CHD9NB: variants seen among roughly 807,000 people sequenced by gnomAD.
The protein encoded by CHD9NB is CHD9 neighbor.
chr16:53,048,038 G>A, the CHD9NB span, among the ~76,000 whole-genome samples: 1 of 140,246 alleles, frequency 7.1e-6, no homozygotes, highest in Non-Finnish European at 1.6e-5. Context: ...GGAAGGAAAG[G>A]GAAGGGAGGG....
chr16:53,043,730 GAAGTTGCAGGA>G, the CHD9NB span: 1 of 288,446 alleles, frequency 3.5e-6, no homozygotes, highest in Non-Finnish European at 6.4e-6. Context: ...TCTGCATCCA[GAAGTTGCAGGA>G]AAGTTCCACA....
chr16:53,042,611 A>G, the CHD9NB span: 1 of 150,156 alleles, frequency 6.7e-6, no homozygotes, highest in Non-Finnish European at 1.5e-5. Flanking sequence ...CCACCAGAGT[A>G]AAAATAAAAA....
At chr16:53,045,374 G>A in the CHD9NB span, among the ~76,000 whole-genome samples, 1 of 152,154 alleles carries the variant, frequency 6.6e-6, no homozygotes, top group Non-Finnish European at 1.5e-5. Flanking sequence ...TGGGACACAT[G>A]GGTAAAGGTT....
the CHD9NB span, among the ~76,000 whole-genome samples, chr16:53,042,045 C>A: frequency 6.6e-6 from 1 of 152,170 alleles, no homozygotes; most frequent in Non-Finnish European, 1.5e-5. Flanking sequence ...GTGCCTCCTT[C>A]CTTATTTTTT....
At chr16:53,037,154 T>C in the CHD9NB span, among the ~76,000 whole-genome samples, 1 of 152,214 alleles carries the variant, frequency 6.6e-6, no homozygotes, top group African/African-American at 2.4e-5. Context: ...CAGGATGGTC[T>C]TGATCTCCTG....
At chr16:53,048,177 GCAAGT>G in the CHD9NB span, among the ~76,000 whole-genome samples, 280 of 152,278 alleles carry the variant, frequency 1.8e-3, 2 homozygotes, top group South Asian at 4.1e-3. Context: ...GCTGAGGCAG[GCAAGT>G]CACTTGAACC....
At chr16:53,051,631 A>AG in the CHD9NB span, among the ~76,000 whole-genome samples, 1 of 77,226 alleles carries the variant, frequency 1.3e-5, no homozygotes, top group African/African-American at 5.4e-5. Flanking sequence ...GGGTAGGGGG[A>AG]GGGGGGAGGG....
the CHD9NB span, among the ~76,000 whole-genome samples, chr16:53,044,506 A>G: frequency 3.9e-5 from 6 of 152,188 alleles, no homozygotes; most frequent in Non-Finnish European, 7.4e-5. Flanking sequence ...TTCACATGCA[A>G]AACAAGCCCT....
At chr16:53,036,128 C>T in the CHD9NB span, among the ~76,000 whole-genome samples, 16 of 152,170 alleles carry the variant, frequency 1.1e-4, no homozygotes, top group African/African-American at 3.9e-4. Context: ...CAATGCGCTG[C>T]TGTGGTTAAA....
At chr16:53,048,457 T>C in the CHD9NB span, among the ~76,000 whole-genome samples, 1 of 151,966 alleles carries the variant, frequency 6.6e-6, no homozygotes, top group African/African-American at 2.4e-5. Flanking sequence ...TTTTTAAAGA[T>C]CAAACAACAA....
the CHD9NB span, among the ~76,000 whole-genome samples, chr16:53,052,132 T>C: frequency 6.7e-6 from 1 of 149,972 alleles, no homozygotes; most frequent in Admixed American, 6.7e-5. Context: ...TAATCCCAGC[T>C]ACTTAGGAGG....
At chr16:53,045,318 A>G in the CHD9NB span, among the ~76,000 whole-genome samples, 1 of 152,180 alleles carries the variant, frequency 6.6e-6, no homozygotes, top group Non-Finnish European at 1.5e-5. Flanking sequence ...TTCACACACC[A>G]TGACAGATGT....
the CHD9NB span, among the ~76,000 whole-genome samples, chr16:53,045,054 C>T: frequency 5.9e-5 from 9 of 152,226 alleles, no homozygotes; most frequent in East Asian, 3.9e-4. Flanking sequence ...TCAGTTCAGC[C>T]TCCCAAGTAG....
chr16:53,046,239 T>C, the CHD9NB span, among the ~76,000 whole-genome samples: 9 of 152,242 alleles, frequency 5.9e-5, 1 homozygote, highest in African/African-American at 1.7e-4. Flanking sequence ...AAATTAATCA[T>C]GCTTAACTCA....
At chr16:53,043,293 T>C in the CHD9NB span, 1 of 152,292 alleles carries the variant, frequency 6.6e-6, no homozygotes, top group South Asian at 2.1e-4. Context: ...GATATGTGAA[T>C]GTTAGCAGAG....
At chr16:53,040,035 C>T in the CHD9NB span, among the ~76,000 whole-genome samples, 1 of 152,134 alleles carries the variant, frequency 6.6e-6, no homozygotes, top group Non-Finnish European at 1.5e-5. Flanking sequence ...AACTCTCAAG[C>T]TCTCAGTATA....
At chr16:53,048,012 AAGGG>A in the CHD9NB span, among the ~76,000 whole-genome samples, 1 of 124,278 alleles carries the variant, frequency 8.0e-6, no homozygotes, top group African/African-American at 3.0e-5. Flanking sequence ...GAAGGGAAGG[AAGGG>A]AGGGAGGGAA....
chr16:53,042,070 CCT>C, the CHD9NB span, among the ~76,000 whole-genome samples: 1 of 152,090 alleles, frequency 6.6e-6, no homozygotes, highest in African/African-American at 2.4e-5. Context: ...ACCGCAGTTG[CCT>C]TATTGCTCAA....
the CHD9NB span, among the ~76,000 whole-genome samples, chr16:53,051,426 G>A: frequency 0.34 from 52,205 of 151,678 alleles, 9,840 homozygotes; most frequent in African/African-American, 0.5. Context: ...ACATCATGGA[G>A]TACTATGCAG....
Sources: gnomAD v4.1 joint callset for allele counts (sites outside exome capture counted in the v4.1 genomes callset) on GRCh38, gnomAD v4.1.1 for gene constraint, MANE v1.5 for transcripts, NCBI Gene and HGNC (gene_info 2026-07-23, HGNC 2026-07-21) for gene names.